TMCC3: variants seen among roughly 807,000 people sequenced by gnomAD.
The protein encoded by TMCC3 is transmembrane and coiled-coil domain family 3.
A neutral mutation model predicts 40.2 loss-of-function variants in TMCC3; 28 were observed. The observed-to-expected ratio is 0.70, with a 90% CI of 0.52 to 0.95. The LOEUF (loss-of-function observed/expected upper bound fraction) is 0.95, where lower values mean the gene tolerates loss of function less well. TMCC3 is among the 40% of genes least tolerant of loss of function. The pLI is 0.00. For synonymous variants in TMCC3, 255 were observed against 248.5 expected (o/e 1.03, Z -0.25); for missense variants, 554 against 615.2 (o/e 0.90, Z 1.05).
At chr12:94,576,129 G>A (rs1289275770) in intron 3 of TMCC3, among the ~76,000 whole-genome samples, 1 of 152,152 alleles carries the variant, frequency 6.6e-6, no homozygotes, top group East Asian at 1.9e-4. Flanking sequence ...GAATAAGCCA[G>A]TGGTGAAGCA....
At chr12:94,595,141 T>C (rs373897310) in intron 1 of TMCC3, among the ~76,000 whole-genome samples, 7 of 152,336 alleles carry the variant, frequency 4.6e-5, no homozygotes, top group East Asian at 1.9e-4. Context: ...TCAGCCTATA[T>C]GTTTTCCCCT....
chr12:94,634,374 G>A (rs1460366685), intron 1 of TMCC3, among the ~76,000 whole-genome samples: 1 of 151,772 alleles, frequency 6.6e-6, no homozygotes, highest in East Asian at 1.9e-4. Flanking sequence ...AAGAATGCAA[G>A]ACTATTTCAT....
In TMCC3 at chr12:94,590,034, G is replaced by A. The variant is rs192371713; in HGVS notation, c.79-7496C>T. 1.2e-4 allele frequency among the ~76,000 whole-genome samples: 18 copies of A among 148,660 alleles called. No homozygotes were observed. The East Asian group carries it at 3.2e-3, about 26-fold the overall frequency. On this transcript the variant is annotated intron_variant, in intron 1 of 3. Coordinates refer to ENST00000261226, the MANE Select transcript of TMCC3 (RefSeq NM_020698.4). ...CCCTCAGGCTGAACTTGAAATAATC[G>A]TGGCTGTAACTTTGTGTCCACAGCT...
chr12:94,646,641 G>A (rs1365998016), intron 1 of TMCC3, among the ~76,000 whole-genome samples: 5 of 150,940 alleles, frequency 3.3e-5, no homozygotes, highest in Admixed American at 1.3e-4. Flanking sequence ...GTTTCAACAT[G>A]TTGGCCAGGT....
At chr12:94,633,446 A>T (rs887771587) in intron 1 of TMCC3, among the ~76,000 whole-genome samples, 1 of 152,150 alleles carries the variant, frequency 6.6e-6, no homozygotes, top group Non-Finnish European at 1.5e-5. Context: ...TAGTTTTAAA[A>T]TTTTTTTCCA....
intron 1 of TMCC3, among the ~76,000 whole-genome samples, chr12:94,647,477 C>A (rs1015402547): frequency 6.6e-6 from 1 of 152,226 alleles, no homozygotes; most frequent in African/African-American, 2.4e-5. Flanking sequence ...CTAAGAACTT[C>A]ATCTCATGGA....
chr12:94,606,727 G>A (rs1203420672), intron 1 of TMCC3, among the ~76,000 whole-genome samples: 2 of 152,134 alleles, frequency 1.3e-5, no homozygotes, highest in Non-Finnish European at 2.9e-5. Flanking sequence ...TGCAAAACCA[G>A]CAAGTTTTTA....
At chr12:94,609,061 C>T (rs1403337673) in intron 1 of TMCC3, among the ~76,000 whole-genome samples, 1 of 151,856 alleles carries the variant, frequency 6.6e-6, no homozygotes, top group East Asian at 1.9e-4. Context: ...CCTCCAGTCT[C>T]TACAAAAAAT....
At chr12:94,649,805 C>T (rs1310169101) in intron 1 of TMCC3, among the ~76,000 whole-genome samples, 1 of 152,268 alleles carries the variant, frequency 6.6e-6, no homozygotes, top group Non-Finnish European at 1.5e-5. Flanking sequence ...CGGCTCGAAA[C>T]TCCGGAGAGG....
At chr12:94,606,782 T>G (rs1423051607) in intron 1 of TMCC3, among the ~76,000 whole-genome samples, 1 of 152,010 alleles carries the variant, frequency 6.6e-6, no homozygotes, top group Non-Finnish European at 1.5e-5. Flanking sequence ...AGGGCGTAGG[T>G]CACAAAGATC....
At chr12:94,600,031 A>C (rs530719488) in intron 1 of TMCC3, among the ~76,000 whole-genome samples, 1 of 152,188 alleles carries the variant, frequency 6.6e-6, no homozygotes, top group African/African-American at 2.4e-5. Flanking sequence ...CTCTAAAAAA[A>C]GGAGTGGTGG....
intron 1 of TMCC3, among the ~76,000 whole-genome samples, chr12:94,622,750 C>A (rs772718524): frequency 6.6e-6 from 1 of 151,578 alleles, no homozygotes; most frequent in East Asian, 1.9e-4. Flanking sequence ...CAATCAGACA[C>A]GGAGCCTGTT....
chr12:94,590,527 A>G (rs1193225005), intron 1 of TMCC3, among the ~76,000 whole-genome samples: 1 of 152,206 alleles, frequency 6.6e-6, no homozygotes, highest in East Asian at 1.9e-4. Context: ...CTGGAGAAAG[A>G]AGCCCTGTCC....
intron 1 of TMCC3, among the ~76,000 whole-genome samples, chr12:94,618,352 C>T (rs2068858064): frequency 6.6e-6 from 1 of 152,210 alleles, no homozygotes; most frequent in Non-Finnish European, 1.5e-5. Context: ...CTGGTAGCTT[C>T]ATATATTCCC....
At chr12:94,629,642 A>T (rs2068922076) in intron 1 of TMCC3, among the ~76,000 whole-genome samples, 1 of 152,190 alleles carries the variant, frequency 6.6e-6, no homozygotes, top group Non-Finnish European at 1.5e-5. Flanking sequence ...GAAGAAAGCC[A>T]GGGGAGAATT....
At chr12:94,622,918 C>A (rs1434429547) in intron 1 of TMCC3, among the ~76,000 whole-genome samples, 1 of 151,740 alleles carries the variant, frequency 6.6e-6, no homozygotes. Flanking sequence ...CTCACCTGAA[C>A]TCTTCAGCCA....
intron 1 of TMCC3, among the ~76,000 whole-genome samples, chr12:94,613,581 A>G (rs1594288084): frequency 6.6e-6 from 1 of 152,118 alleles, no homozygotes; most frequent in African/African-American, 2.4e-5. Flanking sequence ...ATGAACACAC[A>G]TGTGATAAAA....
At position 94,567,405 on chromosome 12, in the gene TMCC3, C is replaced by A. The variant is rs1026059579; in HGVS notation, c.*4030G>T. ...CAGAGCACGTTTTGTTGAAATATTTCTCTTAGGACAAACACAGTAGACATG... is the reference window on the plus strand; with the variant it reads ...CAGAGCACGTTTTGTTGAAATATTTATCTTAGGACAAACACAGTAGACATG... On this transcript the variant is annotated 3_prime_UTR_variant, in exon 4 of 4. Transcript: ENST00000261226. The A allele has an allele frequency of 6.6e-6, 1 of 152,214 alleles. No individual in the cohort carries two copies. The highest frequency in any genetic ancestry group is 1.5e-5 in the Non-Finnish European group (1 of 68,036). The allele number at this position is 152,214 out of a possible 1,614,324, so 9.4% of individuals were successfully genotyped here.
intron 1 of TMCC3, among the ~76,000 whole-genome samples, chr12:94,641,017 T>C (rs931793269): frequency 2.0e-5 from 3 of 152,116 alleles, no homozygotes; most frequent in Non-Finnish European, 4.4e-5. Flanking sequence ...CTGGTCAACA[T>C]GGTGAAACCC....
Sources: allele counts gnomAD v4.1 joint callset (sites outside exome capture counted in the v4.1 genomes callset), GRCh38; gene constraint gnomAD v4.1.1; transcripts MANE v1.5; gene names NCBI Gene and HGNC (gene_info 2026-07-23, HGNC 2026-07-21).